Variants in C3orf70 observed in about 807,000 individuals in gnomAD.
C3orf70 encodes UPF0524 protein C3orf70.
A neutral mutation model predicts 20.7 loss-of-function variants in C3orf70; 15 were observed. The observed-to-expected ratio is 0.72, with a 90% CI of 0.48 to 1.11. The LOEUF (loss-of-function observed/expected upper bound fraction) is 1.11. Ranked by LOEUF, C3orf70 falls within the 50% of genes most tolerant of loss-of-function variation. The pLI, the probability that C3orf70 is intolerant of heterozygous loss-of-function variation, is 0.00. For synonymous variants in C3orf70, 161 were observed against 125.7 expected, an observed-to-expected ratio of 1.28 and a Z score of -1.88; for missense variants, 332 against 317.6, an observed-to-expected ratio of 1.05 and a Z score of -0.34.
chr3:185,097,725 C>T (rs1715738076), intron 1 of C3orf70, among the ~76,000 whole-genome samples: 1 of 152,202 alleles, frequency 6.6e-6, no homozygotes. Context: ...GGAGGAAGCA[C>T]CCCTGCCTAT....
At chr3:185,127,358 A>G (rs765443793) in intron 1 of C3orf70, among the ~76,000 whole-genome samples, 10 of 152,228 alleles carry the variant, frequency 6.6e-5, no homozygotes, top group Non-Finnish European at 1.2e-4. Flanking sequence ...GAAAAAGTCT[A>G]ATTTCTAACT....
At chr3:185,140,318 C>T (rs1350715527) in intron 1 of C3orf70, among the ~76,000 whole-genome samples, 1 of 152,130 alleles carries the variant, frequency 6.6e-6, no homozygotes, top group African/African-American at 2.4e-5. Context: ...AAAATATCTG[C>T]AAACCACTAG....
intron 1 of C3orf70, among the ~76,000 whole-genome samples, chr3:185,098,805 C>T (rs1321776145): frequency 6.6e-6 from 1 of 152,012 alleles, no homozygotes; most frequent in African/African-American, 2.4e-5. Flanking sequence ...GTGGGTGGGC[C>T]CCATCCAAAC....
intron 1 of C3orf70, among the ~76,000 whole-genome samples, chr3:185,139,804 C>A (rs1716713932): frequency 6.6e-6 from 1 of 151,918 alleles, no homozygotes; most frequent in Admixed American, 6.6e-5. Flanking sequence ...GTGATCTAAG[C>A]CACACCTTAT....
chr3:185,117,453 A>AC (rs1491233908), intron 1 of C3orf70, among the ~76,000 whole-genome samples: 36 of 77,436 alleles, frequency 4.6e-4, no homozygotes, highest in African/African-American at 2.4e-3. Flanking sequence ...ACACACACAG[A>AC]AAGAGAGAGA....
chr3:185,090,927 C>T (rs1207142382), intron 1 of C3orf70, among the ~76,000 whole-genome samples: 1 of 152,118 alleles, frequency 6.6e-6, no homozygotes, highest in Non-Finnish European at 1.5e-5. Context: ...TTTAAAATTG[C>T]ATGTATAACT....
chr3:185,119,000 G>C (rs977070014), intron 1 of C3orf70, among the ~76,000 whole-genome samples: 2 of 152,182 alleles, frequency 1.3e-5, no homozygotes, highest in African/African-American at 4.8e-5. Context: ...AAAGAGAGGA[G>C]TTGGTTGCTA....
In C3orf70 at chr3:185,152,845, C is replaced by G. The variant is rs760316584; in HGVS notation, c.-22G>C. On this transcript the variant is annotated 5_prime_UTR_variant, in exon 1 of 2. Coordinates refer to ENST00000335012, the MANE Select transcript of C3orf70 (RefSeq NM_001025266.3). ...TCATTTCCTCTCCCTCCGCGCGGAGCCGACACCGGGAGCCCGGGAGAAGCG... is the reference window on the plus strand; with the variant it reads ...TCATTTCCTCTCCCTCCGCGCGGAGGCGACACCGGGAGCCCGGGAGAAGCG... 5.3e-6 allele frequency: 8 copies of G among 1,503,258 alleles called. No homozygotes were observed. In the Admixed American group the frequency reaches 1.6e-4, roughly 30 times the overall value. The allele number at this position is 1,503,258 out of a possible 1,614,324, so 93.1% of individuals were successfully genotyped here. A position where few individuals can be genotyped will look rare whatever the true frequency, so the allele number is the denominator to read the frequency against.
intron 1 of C3orf70, among the ~76,000 whole-genome samples, chr3:185,142,922 CA>C (rs1716788163): frequency 6.6e-6 from 1 of 151,878 alleles, no homozygotes; most frequent in African/African-American, 2.4e-5. Flanking sequence ...TTGGACTCTT[CA>C]AAAAATTCAA....
In C3orf70 at chr3:185,080,875, T is replaced by C. The variant is rs1210170522; in HGVS notation, c.*2132A>G. On this transcript the variant is annotated 3_prime_UTR_variant, in exon 2 of 2. Transcript: ENST00000335012. ...TTCTCGGTTTGTCTTGTTGAATCTT[T>C]AAATTTCAGTAAGTGGAGACTTTAT... 1 of 152,256 alleles carries C rather than the reference T, an allele frequency of 6.6e-6. No individual in the cohort carries two copies. Among genetic ancestry groups the C allele is most frequent in the Non-Finnish European group, 1.5e-5 (1 of 68,056 alleles). The allele number at this position is 152,256 out of a possible 1,614,324, so 9.4% of individuals were successfully genotyped here. A position where few individuals can be genotyped will look rare whatever the true frequency, so the allele number is the denominator to read the frequency against.
At chr3:185,108,766 G>A (rs559818911) in intron 1 of C3orf70, among the ~76,000 whole-genome samples, 1 of 152,340 alleles carries the variant, frequency 6.6e-6, no homozygotes, top group East Asian at 1.9e-4. Flanking sequence ...AATCCTCGAG[G>A]ACTGGAACCT....
chr3:185,146,160 A>C (rs908376801), intron 1 of C3orf70, among the ~76,000 whole-genome samples: 1 of 152,120 alleles, frequency 6.6e-6, no homozygotes, highest in Admixed American at 6.5e-5. Flanking sequence ...AGAACCTATC[A>C]GCGTTCTCTA....
At chr3:185,131,625 A>G (rs924178400) in intron 1 of C3orf70, among the ~76,000 whole-genome samples, 1 of 152,224 alleles carries the variant, frequency 6.6e-6, no homozygotes, top group African/African-American at 2.4e-5. Flanking sequence ...CAACTGAGAA[A>G]TGCTAGAAAA....
intron 1 of C3orf70, 97 bp downstream of exon 1, chr3:185,152,531 G>C: frequency 8.8e-7 from 1 of 1,132,698 alleles, no homozygotes; most frequent in South Asian, 1.8e-5. Flanking sequence ...GCAGAGCCCG[G>C]AGCCCCGCGG....
At chr3:185,111,868 ATAT>A (rs1311177372) in intron 1 of C3orf70, among the ~76,000 whole-genome samples, 2 of 152,374 alleles carry the variant, frequency 1.3e-5, no homozygotes, top group Admixed American at 1.3e-4. Flanking sequence ...AAATGTAATT[ATAT>A]TATTTGCCTG....
chr3:185,137,387 C>A (rs879484348), intron 1 of C3orf70, among the ~76,000 whole-genome samples: 3 of 152,276 alleles, frequency 2.0e-5, no homozygotes, highest in Non-Finnish European at 4.4e-5. Flanking sequence ...ATTGACAGAA[C>A]ATATAGACAG....
rs1011443735 is a variant in C3orf70, at chr3:185,080,690, G to A, written c.*2317C>T. On this transcript the variant is annotated 3_prime_UTR_variant, in exon 2 of 2. Transcript: ENST00000335012. ...CATTTGGCTTCCACACCTGCCTTCA[G>A]TGAGCCACTCATGCACGGGAGGCAC... 2.0e-5 allele frequency: 3 copies of A among 152,184 alleles called. No individual in the cohort carries two copies. The highest frequency in any genetic ancestry group is 7.2e-5 in the African/African-American group (3 of 41,410). 9.4% of individuals were successfully genotyped at this position (152,184 alleles called of 1,614,324 possible).
chr3:185,107,839 C>T (rs1240210913), intron 1 of C3orf70, among the ~76,000 whole-genome samples: 3 of 152,198 alleles, frequency 2.0e-5, no homozygotes, highest in East Asian at 3.8e-4. Context: ...CTTTAATAGT[C>T]ATAGACTCTA....
chr3:185,117,065 G>A (rs904295383), intron 1 of C3orf70, among the ~76,000 whole-genome samples: 1 of 152,168 alleles, frequency 6.6e-6, no homozygotes, highest in Non-Finnish European at 1.5e-5. Context: ...ACAGGCGTGA[G>A]CCACCGCGCC....
Sources: allele counts gnomAD v4.1 joint callset (sites outside exome capture counted in the v4.1 genomes callset), GRCh38; gene constraint gnomAD v4.1.1; transcripts MANE v1.5; gene names NCBI Gene and HGNC (gene_info 2026-07-23, HGNC 2026-07-21).